Variants in DMD observed in about 807,000 individuals in gnomAD.
DMD encodes dystrophin, also known as mutant dystrophin.
Under a neutral mutation model 330.1 loss-of-function variants are expected in DMD, and 63 were observed. That is an observed-to-expected ratio of 0.19 (90% CI 0.16 to 0.24). The LOEUF is 0.24. Ranked by LOEUF, DMD falls within the 10% of genes least tolerant of loss-of-function variation. The probability of loss-of-function intolerance (pLI) is 1.00; values close to 1 mark genes in which losing one functional copy is unlikely to be tolerated. For synonymous variants in DMD, 1,223 were observed against 959.8 expected (o/e 1.27, Z -5.07); for missense variants, 3,344 against 2,684.1 (o/e 1.25, Z -5.43).
Position 33,084,531 on chromosome X carries a change from T to C in DMD, c.32-64331A>G, listed in dbSNP as rs144304863. ...GGTCAGAGATGAAATCACAGGGAGT[T>C]GGAGCTGTCTTCTTGCGCTGAGTCA... On this transcript the variant is annotated intron_variant, in intron 1 of 78. Transcript: ENST00000357033. Among the ~76,000 whole-genome samples, 943 of 111,232 alleles carry C rather than the reference T, an allele frequency of 8.5e-3. 7 individuals are homozygous for C. The highest frequency in any genetic ancestry group is 0.029 in the African/African-American group (895 of 30,584).
At chrX:32,585,699 CAAAAAAAAAAAAA>C (rs61394183) in intron 13 of DMD, among the ~76,000 whole-genome samples, 18 of 31,919 alleles carry the variant, frequency 5.6e-4, no homozygotes, top group South Asian at 0.011. Context: ...GACTCCGTCT[CAAAAAAAAAAAAA>C]AAAAAAAAAA....
chrX:31,753,540 A>G (rs1300105310), intron 51 of DMD, among the ~76,000 whole-genome samples: 1 of 111,935 alleles, frequency 8.9e-6, no homozygotes, highest in African/African-American at 3.2e-5. Context: ...TAGATTTTTT[A>G]AATCTCAAAC....
At chrX:33,110,524 TATG>T (rs373761668) in intron 1 of DMD, among the ~76,000 whole-genome samples, 4 of 111,672 alleles carry the variant, frequency 3.6e-5, no homozygotes, top group African/African-American at 1.3e-4. Context: ...TATATTAACA[TATG>T]ATTTTTCAAG....
intron 54 of DMD, among the ~76,000 whole-genome samples, chrX:31,654,229 A>C (rs948255709): frequency 2.7e-5 from 3 of 111,920 alleles, no homozygotes; most frequent in African/African-American, 9.7e-5. Context: ...TTTATTACTA[A>C]TTTAAATATT....
At chrX:32,943,673 T>C (rs1301720702) in intron 2 of DMD, among the ~76,000 whole-genome samples, 1 of 111,844 alleles carries the variant, frequency 8.9e-6, no homozygotes, top group Admixed American at 9.5e-5. Flanking sequence ...TCTTCGATAA[T>C]TTCCCTGGAA....
chrX:32,530,483 A>C lies in DMD; in HGVS notation c.2169-12352T>G, dbSNP rs181707299. On this transcript the variant is annotated intron_variant, in intron 17 of 78. Coordinates refer to ENST00000357033, the MANE Select transcript of DMD (RefSeq NM_004006.3). Reference sequence around the variant, plus strand: ...TGGTATTAAATCTTAATCATTTCAAAATTCATTGGTAATATTTATTTCTAA... The same window carrying C: ...TGGTATTAAATCTTAATCATTTCAACATTCATTGGTAATATTTATTTCTAA... 1.7e-4 allele frequency among the ~76,000 whole-genome samples: 19 copies of C among 112,652 alleles called. No individual in the cohort carries two copies. The East Asian group carries it at 5.0e-3, about 30-fold the overall frequency.
chrX:31,626,432 C>T (rs1378197964), intron 55 of DMD, among the ~76,000 whole-genome samples: 1 of 111,983 alleles, frequency 8.9e-6, no homozygotes, highest in African/African-American at 3.2e-5. Flanking sequence ...GAGCAAAAAA[C>T]TCTACATTTG....
intron 18 of DMD, among the ~76,000 whole-genome samples, chrX:32,507,645 A>G: frequency 8.9e-6 from 1 of 111,815 alleles, no homozygotes; most frequent in East Asian, 2.8e-4. Flanking sequence ...TTACTTTCCC[A>G]TTTTGACAGA....
chrX:32,673,223 G>T (rs1479423319), intron 9 of DMD, among the ~76,000 whole-genome samples: 2 of 110,735 alleles, frequency 1.8e-5, no homozygotes, highest in African/African-American at 6.5e-5. Context: ...AGACAAGGAT[G>T]ATAAACCTCC....
In DMD at chrX:31,146,291, C is replaced by A; in HGVS notation, c.10921G>T (p.Gly3641Cys). The A allele has an allele frequency of 1.7e-6, 2 of 1,210,542 alleles. No homozygotes were observed. The highest frequency in any genetic ancestry group is 2.2e-6 in the Non-Finnish European group (2 of 894,928). Residue 3641 changes from glycine to cysteine, a missense_variant and splice_region_variant, in exon 76 of 79, where the codon GGT (glycine) becomes TGT (cysteine). Physicochemically the swap from Gly to Cys is radical, Grantham distance 159 (BLOSUM62 -3). Coordinates refer to ENST00000357033, the MANE Select transcript of DMD (RefSeq NM_004006.3). Reference sequence around the variant, plus strand: ...ATCTGAGAGTAGCTAGGACACTTACCCATGGAGTCCGAAGTTTGACTGCCA... The same window carrying A: ...ATCTGAGAGTAGCTAGGACACTTACACATGGAGTCCGAAGTTTGACTGCCA... ...VVGSQTSDSM[G>C]EEDLLSPPQD...
intron 7 of DMD, among the ~76,000 whole-genome samples, chrX:32,733,048 A>C (rs1197009902): frequency 1.8e-5 from 2 of 109,513 alleles, no homozygotes; most frequent in Non-Finnish European, 3.8e-5. Flanking sequence ...CATAGGCTCA[A>C]AATAAAAGGA....
chrX:32,920,919 A>T (rs969997343), intron 2 of DMD, among the ~76,000 whole-genome samples: 2 of 112,121 alleles, frequency 1.8e-5, no homozygotes, highest in African/African-American at 3.2e-5. Context: ...ATAGTCAAAG[A>T]AGGTGTTTTT....
At chrX:32,848,218 C>G (rs183561536) in intron 3 of DMD, among the ~76,000 whole-genome samples, 1 of 111,783 alleles carries the variant, frequency 8.9e-6, no homozygotes, top group East Asian at 2.8e-4. Flanking sequence ...AAAGATTTTT[C>G]ACGAACATTT....
At chrX:32,626,231 G>A (rs764008221) in intron 11 of DMD, among the ~76,000 whole-genome samples, 1 of 111,760 alleles carries the variant, frequency 8.9e-6, no homozygotes, top group East Asian at 2.8e-4. Flanking sequence ...AGCATTTTGG[G>A]AGGCCGAGGT....
At chrX:32,674,810 G>A (rs1402469557) in intron 9 of DMD, among the ~76,000 whole-genome samples, 2 of 111,320 alleles carry the variant, frequency 1.8e-5, no homozygotes, top group African/African-American at 6.5e-5. Context: ...GATTAACAGA[G>A]AAGCAAAGAC....
intron 57 of DMD, among the ~76,000 whole-genome samples, chrX:31,489,925 T>C (rs902139485): frequency 1.4e-4 from 16 of 112,070 alleles, no homozygotes; most frequent in African/African-American, 5.2e-4. Context: ...AGTTTGTAAA[T>C]TATTCACATC....
chrX:32,718,853 A>C (rs2065980622), intron 7 of DMD, among the ~76,000 whole-genome samples: 1 of 112,343 alleles, frequency 8.9e-6, no homozygotes, highest in South Asian at 3.6e-4. Context: ...ATGGAAGTAC[A>C]CACTTAGCAA....
In DMD at chrX:32,448,516, A is replaced by G. The variant is rs2098314781; in HGVS notation, c.3726T>C (p.Thr1242=). ...AGAGCCACTGGTAGTTGGTGGTTAGAGTTTCAAGTTCCTTTTTTAAGGCCT... is the reference window on the plus strand; with the variant it reads ...AGAGCCACTGGTAGTTGGTGGTTAGGGTTTCAAGTTCCTTTTTTAAGGCCT... ...AQEALKKELE[T]LTTNYQWLCT... is the part of the protein sequence containing the mutation. Residue 1242 remains threonine, a synonymous_variant, in exon 27 of 79, where the codon ACT becomes ACC. Coordinates refer to ENST00000357033, the MANE Select transcript of DMD (RefSeq NM_004006.3). 1 of 1,206,955 alleles carries G rather than the reference A, an allele frequency of 8.3e-7. No homozygotes were observed. Among genetic ancestry groups the G allele is most frequent in the African/African-American group, 1.8e-5 (1 of 56,932 alleles).
intron 44 of DMD, among the ~76,000 whole-genome samples, chrX:32,062,989 T>A (rs1250048882): frequency 9.0e-6 from 1 of 111,092 alleles, no homozygotes; most frequent in South Asian, 3.7e-4. Flanking sequence ...TTTAAAAAAA[T>A]TAATTCTGAC....
Sources: allele counts gnomAD v4.1 joint callset (sites outside exome capture counted in the v4.1 genomes callset), GRCh38; gene constraint gnomAD v4.1.1; transcripts MANE v1.5; gene names NCBI Gene and HGNC (gene_info 2026-07-23, HGNC 2026-07-21).